ZC3H13: variants seen among roughly 807,000 people sequenced by gnomAD.
ZC3H13 encodes zinc finger CCCH-type containing 13, also known as zinc finger CCCH domain-containing protein 13.
A neutral mutation model predicts 204.1 loss-of-function variants in ZC3H13; 64 were observed. The observed-to-expected ratio is 0.31, with a 90% CI of 0.26 to 0.39. The LOEUF (loss-of-function observed/expected upper bound fraction) is 0.39. ZC3H13 is among the 10% of genes least tolerant of loss of function. ZC3H13 has a pLI of 1.00. For missense variants in ZC3H13, 1,833 were observed against 2,082.7 expected (o/e 0.88, Z 2.33); for synonymous variants, 667 against 693.7 (o/e 0.96, Z 0.60).
At position 45,955,825 on chromosome 13, in the gene ZC3H13, A is replaced by ACT. The variant is rs1951247943; in HGVS notation, c.*1301_*1302insAG. On this transcript the variant is annotated 3_prime_UTR_variant, in exon 19 of 19. Transcript: ENST00000679008. The stretch of plus-strand genomic sequence containing the variant: ...CTTTGGCAGGTATCTTGTATAAAGT[A>ACT]ACTTTACAACATATGTTTCTTGAAC... The ACT allele has an allele frequency of 6.6e-6, 1 of 152,176 alleles. No individual in the cohort carries two copies. Among genetic ancestry groups the ACT allele is most frequent in the Non-Finnish European group, 1.5e-5 (1 of 67,998 alleles). 9.4% of individuals were successfully genotyped at this position (152,176 alleles called of 1,614,324 possible). A position where few individuals can be genotyped will look rare whatever the true frequency, so the allele number is the denominator to read the frequency against.
At chr13:46,014,080 A>C (rs1037161490) in intron 5 of ZC3H13, among the ~76,000 whole-genome samples, 1 of 152,236 alleles carries the variant, frequency 6.6e-6, no homozygotes, top group African/African-American at 2.4e-5. Context: ...AAACTAGTAC[A>C]TCTATCTTGT....
At chr13:46,018,336 G>GT (rs1364130378) in intron 5 of ZC3H13, among the ~76,000 whole-genome samples, 1 of 152,100 alleles carries the variant, frequency 6.6e-6, no homozygotes, top group Non-Finnish European at 1.5e-5. Context: ...AGTAGAAACA[G>GT]TAAGGCACAG....
At chr13:45,989,125 C>G in intron 8 of ZC3H13, 28 bp from the exon 9 acceptor site, 3 of 1,595,720 alleles carry the variant, frequency 1.9e-6, no homozygotes, top group Non-Finnish European at 2.6e-6. Flanking sequence ...AACAATAAAA[C>G]ATGTATTCAA....
rs1954130585 is a variant in ZC3H13 at position 45,985,781 on chromosome 13, AT to A, written c.1256-21del. The stretch of plus-strand genomic sequence containing the variant: ...TAGTATCTGTAATGCAATTTTGGAA[AT>A]TGACTGTAATTGCTTTTACAAAGTT... On this transcript the variant is annotated intron_variant, in intron 9 of 18. Transcript: ENST00000679008. 1.3e-6 allele frequency: 2 copies of A among 1,557,882 alleles called. No individual in the cohort carries two copies. Among genetic ancestry groups the A allele is most frequent in the Non-Finnish European group, 1.7e-6 (2 of 1,155,816 alleles).
intron 1 of ZC3H13, among the ~76,000 whole-genome samples, chr13:46,049,310 A>ACT (rs1423717014): frequency 1.3e-5 from 2 of 151,650 alleles, no homozygotes; most frequent in Non-Finnish European, 2.9e-5. Flanking sequence ...TAATACACAC[A>ACT]CACATATTCT....
chr13:45,960,787 A>G (rs1234469883), intron 17 of ZC3H13, among the ~76,000 whole-genome samples: 1 of 152,236 alleles, frequency 6.6e-6, no homozygotes, highest in African/African-American at 2.4e-5. Context: ...TACAACCCAC[A>G]AAGAAAAGCA....
chr13:46,012,064 A>T (rs2041603020), intron 5 of ZC3H13, among the ~76,000 whole-genome samples: 1 of 152,242 alleles, frequency 6.6e-6, no homozygotes, highest in Non-Finnish European at 1.5e-5. Flanking sequence ...CTAAAACTAA[A>T]GTAATTTTAG....
intron 4 of ZC3H13, among the ~76,000 whole-genome samples, chr13:46,038,177 C>T (rs2043329154): frequency 1.5e-5 from 1 of 64,562 alleles, no homozygotes; most frequent in African/African-American, 9.2e-5. Flanking sequence ...CTTCATCTCA[C>T]GTCCACGTTA....
intron 5 of ZC3H13, among the ~76,000 whole-genome samples, 179 bp downstream of exon 5, chr13:46,020,270 G>A (rs1445570143): frequency 6.6e-6 from 1 of 152,082 alleles, no homozygotes; most frequent in Non-Finnish European, 1.5e-5. Context: ...CACTTTCTCT[G>A]CCTTTGTACA....
rs778886176 is a variant in ZC3H13, at chr13:45,969,021, T to C, written c.3523A>G (p.Ile1175Val). 21 of 1,614,230 alleles carry C rather than the reference T, an allele frequency of 1.3e-5. No homozygotes were observed. The South Asian group carries it at 1.6e-4, about 13-fold the overall frequency. ...VEKVETPHVT[I>V]EDAQHRKPMD... ...GGCTTGCGATGCTGTGCATCTTCTATAGTCACGTGAGGCGTCTCTACTTTT... is the reference window on the plus strand; with the variant it reads ...GGCTTGCGATGCTGTGCATCTTCTACAGTCACGTGAGGCGTCTCTACTTTT... The change falls in exon 14 of 19, where the codon ATA (isoleucine) becomes GTA (valine). Residue 1175 changes from isoleucine to valine, a missense_variant. Ile to Val is a conservative substitution (Grantham distance 29, BLOSUM62 3). Coordinates refer to ENST00000679008, the MANE Select transcript of ZC3H13 (RefSeq NM_001330564.2).
At chr13:45,957,917 A>G (rs1951384246) in intron 18 of ZC3H13, among the ~76,000 whole-genome samples, 1 of 152,216 alleles carries the variant, frequency 6.6e-6, no homozygotes, top group Admixed American at 6.5e-5. Context: ...ATATGTATCT[A>G]TATTATTGTG....
Position 45,962,363 on chromosome 13 carries a change from CA to C in ZC3H13, c.4675+1478del, listed in dbSNP as rs538439310. 4.3e-5 allele frequency: 42 copies of C among 985,336 alleles called. No homozygotes were observed. The African/African-American group carries it at 6.5e-4, about 15-fold the overall frequency. 61.0% of individuals were successfully genotyped at this position (985,336 alleles called of 1,614,324 possible). On this transcript the variant is annotated intron_variant, in intron 17 of 18. Transcript: ENST00000679008. ...GGGCCGAACTGTATTTCATGGGTAG[CA>C]AAATCAAACCAGATTTTAACTTGAA...
chr13:46,047,595 G>A (rs138269278), intron 1 of ZC3H13, among the ~76,000 whole-genome samples: 265 of 111,820 alleles, frequency 2.4e-3, no homozygotes, highest in African/African-American at 9.2e-3. Context: ...TTGATTTACT[G>A]AGCACGAAAA....
At chr13:46,011,975 A>AGT (rs2041596693) in intron 5 of ZC3H13, among the ~76,000 whole-genome samples, 1 of 152,210 alleles carries the variant, frequency 6.6e-6, no homozygotes, top group Admixed American at 6.5e-5. Context: ...ACATCATACA[A>AGT]AGTGAGGTTA....
At chr13:46,009,866 T>TC (rs2041421943) in intron 7 of ZC3H13, among the ~76,000 whole-genome samples, 1 of 152,148 alleles carries the variant, frequency 6.6e-6, no homozygotes, top group Admixed American at 6.5e-5. Context: ...ACATAAATGT[T>TC]CCACAGAAAA....
rs543928225 is a variant in ZC3H13, at chr13:46,025,844, G to C, written c.340-5287C>G. On this transcript the variant is annotated intron_variant, in intron 4 of 18. Coordinates refer to ENST00000679008, the MANE Select transcript of ZC3H13 (RefSeq NM_001330564.2). ...TAATTTTAAAAAGATTAGGGTTTTC[G>C]ACCTTAATGTTTTCAAACCTTTATA... is the stretch of plus-strand genomic sequence containing the variant. Among the ~76,000 whole-genome samples the C allele has an allele frequency of 4.6e-5, 7 of 150,930 alleles. No individual in the cohort carries two copies. In the East Asian group the frequency reaches 7.8e-4, roughly 17 times the overall value.
rs1418641874 is a variant in ZC3H13, at chr13:46,045,061, GTGTC to G, written c.118-1_120del. 3.7e-6 allele frequency: 6 copies of G among 1,605,340 alleles called. No homozygotes were observed. The highest frequency in any genetic ancestry group is 5.1e-6 in the Non-Finnish European group (6 of 1,176,226). On this transcript the variant is annotated splice_acceptor_variant and coding_sequence_variant, in exon 3 of 19. Transcript: ENST00000679008. LOFTEE classifies it high-confidence loss of function. ...CCAGTCTTCAGCCAGTTACGGCACT[GTGTC>G]TAAGAGACAGATATTACTATGTAAA...
At chr13:46,014,173 T>G (rs2041760620) in intron 5 of ZC3H13, among the ~76,000 whole-genome samples, 1 of 152,138 alleles carries the variant, frequency 6.6e-6, no homozygotes, top group African/African-American at 2.4e-5. Context: ...TTTTTAAAAT[T>G]TATTTATTTT....
intron 7 of ZC3H13, chr13:46,010,084 A>T: frequency 4.1e-6 from 1 of 242,188 alleles, no homozygotes; most frequent in Non-Finnish European, 7.9e-6. Flanking sequence ...ACCAGATTTA[A>T]GAGAGGAACA....
Sources: allele counts gnomAD v4.1 joint callset (sites outside exome capture counted in the v4.1 genomes callset), GRCh38; gene constraint gnomAD v4.1.1; transcripts MANE v1.5; gene names NCBI Gene and HGNC (gene_info 2026-07-23, HGNC 2026-07-21).